The following APP variants were observed in gnomAD, a reference collection of about 807,000 sequenced individuals.
APP encodes the protein amyloid beta precursor protein.
In APP, 31 loss-of-function variants were observed where a neutral mutation model predicts 101.4. The observed-to-expected ratio is 0.31, with a 90% CI of 0.23 to 0.41. The LOEUF is 0.41. Among genes scored for constraint, APP ranks in the 10% least tolerant of loss-of-function variants. APP has a pLI of 1.00. For synonymous variants in APP, 366 were observed against 364.4 expected (o/e 1.00, Z -0.05); for missense variants, 839 against 1,003.7 (o/e 0.84, Z 2.22).
chr21:26,049,592 C>A (rs1283716211), intron 5 of APP, among the ~76,000 whole-genome samples: 1 of 152,146 alleles, frequency 6.6e-6, no homozygotes, highest in African/African-American at 2.4e-5. Flanking sequence ...GGTAAGGTTA[C>A]ATGACTTGAT....
chr21:26,143,882 G>A (rs908976148), intron 1 of APP, among the ~76,000 whole-genome samples: 3 of 152,120 alleles, frequency 2.0e-5, no homozygotes, highest in Non-Finnish European at 2.9e-5. Flanking sequence ...CACCCCTATT[G>A]TTTATTGCTA....
intron 5 of APP, among the ~76,000 whole-genome samples, chr21:26,030,107 T>C (rs1205109508): frequency 1.3e-5 from 2 of 152,180 alleles, no homozygotes; most frequent in Non-Finnish European, 2.9e-5. Flanking sequence ...ATGAATATCC[T>C]AGCAATAGAG....
intron 17 of APP, among the ~76,000 whole-genome samples, chr21:25,888,729 T>C (rs1456029207): frequency 2.0e-5 from 3 of 152,290 alleles, no homozygotes; most frequent in African/African-American, 7.2e-5. Context: ...CAACTTCTCC[T>C]CTGACATTTT....
chr21:26,052,930 G>T (rs928311648), intron 4 of APP, among the ~76,000 whole-genome samples: 1 of 152,050 alleles, frequency 6.6e-6, no homozygotes, highest in Non-Finnish European at 1.5e-5. Context: ...TGCGAAACAC[G>T]GCACAGGCAC....
At chr21:26,160,608 A>C (rs2063469566) in intron 1 of APP, among the ~76,000 whole-genome samples, 1 of 152,144 alleles carries the variant, frequency 6.6e-6, no homozygotes, top group African/African-American at 2.4e-5. Flanking sequence ...ATTTTTTTAA[A>C]GGGCCAATTT....
chr21:26,099,967 T>TTTCA (rs2062022160), intron 2 of APP, among the ~76,000 whole-genome samples: 2 of 152,330 alleles, frequency 1.3e-5, no homozygotes, highest in Middle Eastern at 6.8e-3. Context: ...ATATCCACAC[T>TTTCA]TTCATACTCA....
intron 15 of APP, chr21:25,897,998 T>C: frequency 2.7e-6 from 1 of 375,408 alleles, no homozygotes; most frequent in Non-Finnish European, 4.9e-6. Context: ...TCCTGGAATA[T>C]GTTGGCTTGG....
chr21:25,998,200 A>C (rs1338430771), intron 7 of APP, among the ~76,000 whole-genome samples: 1 of 152,270 alleles, frequency 6.6e-6, no homozygotes, highest in East Asian at 1.9e-4. Flanking sequence ...AAAAGTTGCA[A>C]ATCTGCCAGG....
At position 25,918,052 on chromosome 21, in the gene APP, G is replaced by A. The variant is rs541938599; in HGVS notation, c.1688-6090C>T. ...CAACAACAGATGCTGGCGAGGATGC[G>A]GAGAAATAGGCACGCTTTTACACTG... On this transcript the variant is annotated intron_variant, in intron 13 of 17. Coordinates refer to ENST00000346798, the MANE Select transcript of APP (RefSeq NM_000484.4). 6.0e-4 allele frequency among the ~76,000 whole-genome samples: 92 copies of A among 152,318 alleles called. 1 individual carries two copies. Among genetic ancestry groups the A allele is most frequent in the African/African-American group, 1.9e-3 (80 of 41,572 alleles).
chr21:26,003,343 G>A (rs776521382), intron 6 of APP, among the ~76,000 whole-genome samples: 1 of 152,238 alleles, frequency 6.6e-6, no homozygotes, highest in African/African-American at 2.4e-5. Flanking sequence ...GCCAAGAAAA[G>A]AGTGAGTTAG....
chr21:26,112,720 C>T (rs919849108), intron 1 of APP, among the ~76,000 whole-genome samples: 3 of 152,170 alleles, frequency 2.0e-5, no homozygotes, highest in Admixed American at 2.0e-4. Flanking sequence ...TGTTGGCGAT[C>T]CCTCCTGGTT....
At chr21:25,986,503 C>G (rs972195614) in intron 8 of APP, among the ~76,000 whole-genome samples, 1 of 152,046 alleles carries the variant, frequency 6.6e-6, no homozygotes, top group African/African-American at 2.4e-5. Context: ...CCAGCCTGAT[C>G]AACATGGAGA....
At chr21:25,904,766 A>AC (rs894333561) in intron 15 of APP, among the ~76,000 whole-genome samples, 3 of 151,788 alleles carry the variant, frequency 2.0e-5, no homozygotes, top group African/African-American at 7.3e-5. Flanking sequence ...AAAAAAAAAA[A>AC]CCCAAATTTG....
At chr21:25,928,091 T>A (rs1204162824) in intron 13 of APP, among the ~76,000 whole-genome samples, 2 of 152,116 alleles carry the variant, frequency 1.3e-5, no homozygotes, top group South Asian at 4.1e-4. Context: ...ACGCCTGTAA[T>A]CCCAGCATTT....
At chr21:26,042,001 C>G (rs532874057) in intron 5 of APP, among the ~76,000 whole-genome samples, 10 of 152,266 alleles carry the variant, frequency 6.6e-5, no homozygotes, top group African/African-American at 2.2e-4. Flanking sequence ...AGCATTATGA[C>G]AGCTGCTTCT....
chr21:26,029,893 A>G (rs2044745449), intron 5 of APP, among the ~76,000 whole-genome samples: 1 of 152,190 alleles, frequency 6.6e-6, no homozygotes, highest in Non-Finnish European at 1.5e-5. Flanking sequence ...AAGTCAAACC[A>G]ACTTCTCTCA....
At chr21:26,136,027 A>T (rs895962408) in intron 1 of APP, among the ~76,000 whole-genome samples, 3 of 151,306 alleles carry the variant, frequency 2.0e-5, no homozygotes, top group African/African-American at 7.3e-5. Context: ...GCTACTCAGG[A>T]GGCTGAGGCA....
chr21:25,975,421 C>T (rs1423548981), intron 10 of APP, among the ~76,000 whole-genome samples, 193 bp from the exon 11 acceptor site: 1 of 152,146 alleles, frequency 6.6e-6, no homozygotes, highest in Non-Finnish European at 1.5e-5. Flanking sequence ...CTCTCCAACC[C>T]TCATCAAACC....
intron 2 of APP, among the ~76,000 whole-genome samples, chr21:26,102,086 T>TG (rs2062071234): frequency 1.4e-5 from 1 of 69,688 alleles, no homozygotes; most frequent in Admixed American, 1.3e-4. Flanking sequence ...TATGTGGTTT[T>TG]TTTTTTTTTT....
Sources: gnomAD v4.1 joint callset for allele counts (sites outside exome capture counted in the v4.1 genomes callset) on GRCh38, gnomAD v4.1.1 for gene constraint, MANE v1.5 for transcripts, NCBI Gene and HGNC (gene_info 2026-07-23, HGNC 2026-07-21) for gene names.